PEAK1: variants seen among roughly 807,000 people sequenced by gnomAD.
PEAK1 encodes the protein pseudopodium enriched atypical kinase 1.
PEAK1 carries 54 observed loss-of-function variants against 124.7 expected under a neutral mutation model. That is an observed-to-expected ratio of 0.43 (90% CI 0.35 to 0.54). The LOEUF (loss-of-function observed/expected upper bound fraction) is 0.54. Among genes scored for constraint, PEAK1 ranks in the 20% least tolerant of loss-of-function variants. The pLI is 0.01. For synonymous variants in PEAK1, 719 were observed against 760.0 expected, an observed-to-expected ratio of 0.95 and a Z score of 0.89; for missense variants, 2,046 against 2,134.5, an observed-to-expected ratio of 0.96 and a Z score of 0.82.
intron 6 of PEAK1, among the ~76,000 whole-genome samples, chr15:77,228,091 T>C (rs1391664341): frequency 6.6e-6 from 1 of 152,018 alleles, no homozygotes; most frequent in Non-Finnish European, 1.5e-5. Flanking sequence ...GGTATTTTAC[T>C]ACTTTTTTAT....
intron 1 of PEAK1, among the ~76,000 whole-genome samples, chr15:77,409,843 T>A (rs1173166155): frequency 6.6e-6 from 1 of 152,116 alleles, no homozygotes; most frequent in African/African-American, 2.4e-5. Flanking sequence ...CACAACCCCA[T>A]AAAGTAAGTA....
intron 6 of PEAK1, among the ~76,000 whole-genome samples, chr15:77,203,891 C>T (rs954557747): frequency 1.3e-5 from 2 of 152,016 alleles, no homozygotes; most frequent in Admixed American, 6.6e-5. Flanking sequence ...AAGGCATGAT[C>T]CTTGACAGAA....
chr15:77,183,190 T>A (rs1269144533), intron 6 of PEAK1, among the ~76,000 whole-genome samples: 1 of 152,216 alleles, frequency 6.6e-6, no homozygotes, highest in African/African-American at 2.4e-5. Flanking sequence ...AATTCTAAAT[T>A]CAGTACCCAC....
intron 8 of PEAK1, among the ~76,000 whole-genome samples, chr15:77,139,568 C>A (rs185307657): frequency 2.8e-3 from 419 of 152,230 alleles, no homozygotes; most frequent in Non-Finnish European, 4.3e-3. Context: ...CCATCATAAT[C>A]CTATGAGACC....
At chr15:77,142,828 G>A (rs897569710) in intron 8 of PEAK1, among the ~76,000 whole-genome samples, 1 of 152,158 alleles carries the variant, frequency 6.6e-6, no homozygotes, top group Non-Finnish European at 1.5e-5. Context: ...AAGGGGCTGG[G>A]GGAAGGGGAG....
At chr15:77,246,940 C>T (rs2060616598) in intron 6 of PEAK1, among the ~76,000 whole-genome samples, 1 of 152,046 alleles carries the variant, frequency 6.6e-6, no homozygotes, top group Admixed American at 6.6e-5. Context: ...ATCGTTTGAA[C>T]TTGGGAGGCA....
intron 2 of PEAK1, chr15:77,335,824 G>C (rs1237452031): frequency 1.0e-6 from 1 of 985,168 alleles, no homozygotes; most frequent in African/African-American, 1.7e-5. Flanking sequence ...ATGCTTCTAG[G>C]TAATGGTTTC....
At chr15:77,246,859 A>C (rs1458904462) in intron 6 of PEAK1, among the ~76,000 whole-genome samples, 1 of 151,976 alleles carries the variant, frequency 6.6e-6, no homozygotes, top group East Asian at 1.9e-4. Context: ...TATACTAAAA[A>C]TAAAAAAAAT....
chr15:77,205,901 G>A (rs893277796), intron 6 of PEAK1, among the ~76,000 whole-genome samples: 1 of 148,520 alleles, frequency 6.7e-6, no homozygotes, highest in Non-Finnish European at 1.5e-5. Context: ...ATGTATACAT[G>A]TGCCATGCTG....
In PEAK1 at chr15:77,180,086, G is replaced by A. The variant is rs2057154712; in HGVS notation, c.1841C>T (p.Pro614Leu). The change falls in exon 7 of 10, where the codon CCA becomes CTA. Residue 614 changes from proline (P) to leucine (L), a missense_variant. Coordinates refer to ENST00000682557, the MANE Select transcript of PEAK1 (RefSeq NM_001385026.1). The part of the protein sequence containing the change: ...PPFPIIIHDE[P>L]TYARSSKNAI... ...ATTTTTGGAACTCCGAGCATAAGTTGGCTCGTCATGAATGATAATTGGAAA... is the reference window on the plus strand; with the variant it reads ...ATTTTTGGAACTCCGAGCATAAGTTAGCTCGTCATGAATGATAATTGGAAA... 6.2e-7 allele frequency: 1 copy of A among 1,613,968 alleles called. No individual in the cohort carries two copies. Among genetic ancestry groups the A allele is most frequent in the Non-Finnish European group, 8.5e-7 (1 of 1,179,888 alleles).
chr15:77,394,075 T>C (rs761590739), intron 1 of PEAK1, among the ~76,000 whole-genome samples: 4 of 152,088 alleles, frequency 2.6e-5, no homozygotes, highest in Non-Finnish European at 5.9e-5. Context: ...AGGAAGGACT[T>C]TGTCTTGTGG....
chr15:77,414,350 C>CAGGT (rs1176391655), intron 1 of PEAK1, among the ~76,000 whole-genome samples: 1 of 151,322 alleles, frequency 6.6e-6, no homozygotes, highest in Admixed American at 6.6e-5. Context: ...GGTGGGACTA[C>CAGGT]AGGTGTGCAC....
intron 1 of PEAK1, 30 bp from the exon 2 acceptor site, chr15:77,365,255 C>T: frequency 2.1e-6 from 2 of 930,930 alleles, no homozygotes; most frequent in South Asian, 5.0e-5. Flanking sequence ...CAGAAAAAGA[C>T]ATGGTCAATA....
chr15:77,289,162 T>C (rs2063084716), intron 2 of PEAK1, among the ~76,000 whole-genome samples: 1 of 152,172 alleles, frequency 6.6e-6, no homozygotes, highest in Non-Finnish European at 1.5e-5. Context: ...TTAGGTACTA[T>C]CCTGTACTTT....
intron 2 of PEAK1, among the ~76,000 whole-genome samples, chr15:77,358,294 C>G (rs1185320933): frequency 6.6e-6 from 1 of 152,170 alleles, no homozygotes; most frequent in African/African-American, 2.4e-5. Flanking sequence ...GCACCCTAAA[C>G]TCATTCCTTC....
intron 6 of PEAK1, among the ~76,000 whole-genome samples, chr15:77,208,906 T>C (rs1330434905): frequency 1.3e-5 from 2 of 152,232 alleles, no homozygotes; most frequent in African/African-American, 4.8e-5. Context: ...CCTCCATTAC[T>C]GCTTTGTATA....
chr15:77,284,086 G>C (rs958585590), intron 4 of PEAK1, 56 bp from the exon 5 acceptor site: 9 of 928,072 alleles, frequency 9.7e-6, no homozygotes, highest in African/African-American at 3.6e-5. Context: ...ACTTAGTCTA[G>C]CCCAGCTATA....
intron 2 of PEAK1, among the ~76,000 whole-genome samples, chr15:77,288,789 T>A (rs1275257293): frequency 6.6e-6 from 1 of 151,704 alleles, no homozygotes; most frequent in Non-Finnish European, 1.5e-5. Flanking sequence ...ATTAGCCGGG[T>A]GTGGTGGCGG....
At chr15:77,314,439 G>A (rs964354147) in intron 2 of PEAK1, among the ~76,000 whole-genome samples, 2 of 151,952 alleles carry the variant, frequency 1.3e-5, no homozygotes, top group African/African-American at 4.8e-5. Flanking sequence ...TGCGATTTCA[G>A]CTCACTGCAA....
Sources: gnomAD v4.1 joint callset for allele counts (sites outside exome capture counted in the v4.1 genomes callset) on GRCh38, gnomAD v4.1.1 for gene constraint, MANE v1.5 for transcripts, NCBI Gene and HGNC (gene_info 2026-07-23, HGNC 2026-07-21) for gene names.